RASEF: variants seen among roughly 807,000 people sequenced by gnomAD.
RASEF encodes ras and EF-hand domain-containing protein.
A neutral mutation model predicts 90.1 loss-of-function variants in RASEF; 68 were observed. The ratio of observed to expected loss-of-function variants is 0.75; its 90% confidence interval spans 0.62 to 0.92. RASEF has a LOEUF of 0.92. RASEF is among the 40% of genes least tolerant of loss of function. The probability of loss-of-function intolerance (pLI) is 0.00; values close to 1 mark genes in which losing one functional copy is unlikely to be tolerated. For synonymous variants in RASEF, 331 were observed against 345.2 expected (o/e 0.96, Z 0.46); for missense variants, 949 against 937.2 (o/e 1.01, Z -0.16).
rs1830244604 is a variant in RASEF, at chr9:83,062,955, G to C, written c.-88C>G. On this transcript the variant is annotated 5_prime_UTR_variant, in exon 1 of 17. Transcript: ENST00000376447. ...AAGGACGGGGCCACCTGCTGCCGCC[G>C]GGAGGCCCGGCGAGTTTGGCTCGTC... 1.5e-6 allele frequency: 2 copies of C among 1,307,884 alleles called. No homozygotes were observed. The highest frequency in any genetic ancestry group is 9.8e-7 in the Non-Finnish European group (1 of 1,016,998). The allele number at this position is 1,307,884 out of a possible 1,614,324, so 81.0% of individuals were successfully genotyped here.
At chr9:83,070,885 G>A in the RASEF span, among the ~76,000 whole-genome samples, 1,074 of 152,160 alleles carry the variant, frequency 7.1e-3, 11 homozygotes, top group African/African-American at 0.024. Flanking sequence ...TTATGCTATT[G>A]TAGAAGACAT....
At chr9:83,048,480 ACTATTT>A (rs1188319057) in intron 1 of RASEF, 1 of 985,114 alleles carries the variant, frequency 1.0e-6, no homozygotes, top group East Asian at 1.1e-4. Flanking sequence ...TTGGCAGGAG[ACTATTT>A]CTAAGTACTC....
At chr9:83,074,117 CT>C in the RASEF span, among the ~76,000 whole-genome samples, 1 of 152,114 alleles carries the variant, frequency 6.6e-6, no homozygotes, top group African/African-American at 2.4e-5. Context: ...TCATGAAATA[CT>C]TTGACACTTC....
intron 16 of RASEF, among the ~76,000 whole-genome samples, chr9:82,983,726 G>A (rs985579657): frequency 1.3e-5 from 2 of 152,222 alleles, no homozygotes; most frequent in Non-Finnish European, 2.9e-5. Flanking sequence ...AAACCCAAGT[G>A]TTTATAATGC....
At chr9:83,204,504 G>A in the RASEF span, among the ~76,000 whole-genome samples, 1 of 152,004 alleles carries the variant, frequency 6.6e-6, no homozygotes, top group Non-Finnish European at 1.5e-5. Context: ...TCACTGGAGG[G>A]GACAAAAAAG....
chr9:82,982,805 CAGAGAGAGAGAG>C (rs60689330), intron 16 of RASEF, 23 bp from the exon 17 acceptor site: 8 of 915,876 alleles, frequency 8.7e-6, no homozygotes, highest in East Asian at 2.5e-5. Flanking sequence ...TAGAGAGAGA[CAGAGAGAGAGAG>C]AGAGAGAGAG....
chr9:83,159,940 T>G, the RASEF span, among the ~76,000 whole-genome samples: 3 of 152,164 alleles, frequency 2.0e-5, no homozygotes, highest in Non-Finnish European at 4.4e-5. Context: ...AACAGGAGTT[T>G]CCCTGCACAA....
the RASEF span, among the ~76,000 whole-genome samples, chr9:83,112,453 G>A: frequency 4.6e-5 from 7 of 152,232 alleles, no homozygotes; most frequent in Non-Finnish European, 1.0e-4. Context: ...GGGAGGCCGA[G>A]GCGGGTGAAT....
chr9:83,066,075 C>T (rs749596781), upstream of RASEF, among the ~76,000 whole-genome samples: 3 of 152,218 alleles, frequency 2.0e-5, no homozygotes, highest in Admixed American at 6.5e-5. Context: ...TTAATCCGAG[C>T]ATCCACAGCC....
chr9:83,186,516 C>T, the RASEF span, among the ~76,000 whole-genome samples: 16 of 152,138 alleles, frequency 1.1e-4, no homozygotes, highest in African/African-American at 2.9e-4. Flanking sequence ...TCCTCCTGCA[C>T]GCTGTTCCTG....
At chr9:83,119,534 C>G in the RASEF span, among the ~76,000 whole-genome samples, 24 of 152,272 alleles carry the variant, frequency 1.6e-4, no homozygotes, top group Non-Finnish European at 2.6e-4. Flanking sequence ...GGTCTGAAGA[C>G]TTCCCCTCCA....
At chr9:83,029,552 C>G (rs934855720) in intron 1 of RASEF, among the ~76,000 whole-genome samples, 22 of 141,028 alleles carry the variant, frequency 1.6e-4, no homozygotes, top group African/African-American at 6.1e-4. Context: ...ACCACCACAC[C>G]AAACTAATTT....
At chr9:83,078,037 T>G in the RASEF span, among the ~76,000 whole-genome samples, 9 of 152,180 alleles carry the variant, frequency 5.9e-5, no homozygotes, top group Admixed American at 4.6e-4. Flanking sequence ...TCACTAGTTC[T>G]CAAAGGATAG....
chr9:83,206,505 G>C, the RASEF span, among the ~76,000 whole-genome samples: 1 of 152,202 alleles, frequency 6.6e-6, no homozygotes, highest in Non-Finnish European at 1.5e-5. Flanking sequence ...GAAAAATGCT[G>C]TAGCTTTTAC....
At chr9:83,066,031 G>A (rs750630247), upstream of RASEF, among the ~76,000 whole-genome samples, 5 of 152,106 alleles carry the variant, frequency 3.3e-5, no homozygotes, top group Admixed American at 6.5e-5. Flanking sequence ...ACCCCCAGTG[G>A]TGCTCCAATA....
chr9:83,117,262 T>C, the RASEF span, among the ~76,000 whole-genome samples: 2 of 152,212 alleles, frequency 1.3e-5, no homozygotes, highest in Non-Finnish European at 2.9e-5. Flanking sequence ...AGCCTCTCTC[T>C]ACAGGGAGTT....
At chr9:83,180,224 C>A in the RASEF span, among the ~76,000 whole-genome samples, 1 of 152,110 alleles carries the variant, frequency 6.6e-6, no homozygotes, top group Non-Finnish European at 1.5e-5. Flanking sequence ...TAAAAGGTCA[C>A]ATAACCTGTA....
the RASEF span, among the ~76,000 whole-genome samples, chr9:83,181,404 A>C: frequency 6.6e-6 from 1 of 152,176 alleles, no homozygotes; most frequent in African/African-American, 2.4e-5. Flanking sequence ...GACTTGTTCA[A>C]TCATATTGAG....
At chr9:83,092,003 C>CCT in the RASEF span, among the ~76,000 whole-genome samples, 2 of 35,920 alleles carry the variant, frequency 5.6e-5, no homozygotes, top group African/African-American at 1.9e-4. Flanking sequence ...TCTTTTATTT[C>CCT]TTTTTTTTTT....
Sources: allele counts gnomAD v4.1 joint callset (sites outside exome capture counted in the v4.1 genomes callset), GRCh38; gene constraint gnomAD v4.1.1; transcripts MANE v1.5; gene names NCBI Gene and HGNC (gene_info 2026-07-23, HGNC 2026-07-21).